The following WDR27 variants were observed in gnomAD, a reference collection of about 807,000 sequenced individuals.
WDR27 encodes the protein WD repeat domain 27.
Under a neutral mutation model 114.4 loss-of-function variants are expected in WDR27, and 100 were observed. The observed-to-expected ratio is 0.87, with a 90% CI of 0.74 to 1.03. The LOEUF (loss-of-function observed/expected upper bound fraction) is 1.03. WDR27 is among the 50% of genes least tolerant of loss of function. The probability of loss-of-function intolerance (pLI) is 0.00; values close to 1 mark genes in which losing one functional copy is unlikely to be tolerated. For missense variants in WDR27, 1,129 were observed against 1,092.9 expected (o/e 1.03, Z -0.47); for synonymous variants, 449 against 423.1 (o/e 1.06, Z -0.75).
At chr6:169,594,989 T>C (rs1806485380) in intron 23 of WDR27, among the ~76,000 whole-genome samples, 1 of 152,202 alleles carries the variant, frequency 6.6e-6, no homozygotes, top group African/African-American at 2.4e-5. Context: ...CTGGACCACA[T>C]AGTGAAACCT....
chr6:169,623,018 A>G (rs1813745004), intron 21 of WDR27, among the ~76,000 whole-genome samples: 1 of 152,192 alleles, frequency 6.6e-6, no homozygotes, highest in Admixed American at 6.5e-5. Flanking sequence ...GTTTAGGAGT[A>G]ATGTAGCTGG....
chr6:169,516,816 C>CACACACAG (rs1477125325), intron 25 of WDR27, among the ~76,000 whole-genome samples: 27 of 151,586 alleles, frequency 1.8e-4, no homozygotes, highest in Admixed American at 4.6e-4. Context: ...CACACACACA[C>CACACACAG]ACACACACAC....
intron 2 of WDR27, among the ~76,000 whole-genome samples, chr6:169,679,491 G>A (rs1780924870): frequency 1.3e-5 from 2 of 152,170 alleles, no homozygotes; most frequent in Non-Finnish European, 2.9e-5. Flanking sequence ...AGTGTTGGAG[G>A]TGGGGTCTGG....
chr6:169,687,154 C>T (rs1252566892), intron 2 of WDR27, among the ~76,000 whole-genome samples: 2 of 151,998 alleles, frequency 1.3e-5, no homozygotes, highest in Non-Finnish European at 2.9e-5. Flanking sequence ...GTTACCAACA[C>T]AATAAAAAGA....
chr6:169,519,713 CCCAA>C (rs1794128497), intron 25 of WDR27, among the ~76,000 whole-genome samples: 1 of 151,954 alleles, frequency 6.6e-6, no homozygotes, highest in Non-Finnish European at 1.5e-5. Flanking sequence ...TATATCACCC[CCCAA>C]CCAACAAAAA....
intron 17 of WDR27, among the ~76,000 whole-genome samples, chr6:169,638,888 T>C (rs1818411606): frequency 6.6e-6 from 1 of 152,236 alleles, no homozygotes; most frequent in African/African-American, 2.4e-5. Flanking sequence ...GCAGTTGCTC[T>C]AAAGCCTCAC....
intron 25 of WDR27, among the ~76,000 whole-genome samples, chr6:169,505,985 C>A (rs571221402): frequency 6.6e-6 from 1 of 152,224 alleles, no homozygotes; most frequent in Non-Finnish European, 1.5e-5. Flanking sequence ...AACACATATA[C>A]CACCTAAACC....
rs763945217 is a variant in WDR27 at position 169,670,558 on chromosome 6, T to C, written c.456+11A>G. The C allele has an allele frequency of 1.9e-6, 3 of 1,613,980 alleles. No homozygotes were observed. The highest frequency in any genetic ancestry group is 2.5e-6 in the Non-Finnish European group (3 of 1,179,868). On this transcript the variant is annotated intron_variant, in intron 4 of 25. Coordinates refer to ENST00000448612, the MANE Select transcript of WDR27 (RefSeq NM_182552.5). The stretch of plus-strand genomic sequence containing the variant: ...ACCCTTCCGTGAAATCCACGTGAAT[T>C]TCAATCTTACCTCAATATCCAGCAT...
chr6:169,525,943 T>C (rs1354229399), intron 25 of WDR27, among the ~76,000 whole-genome samples: 3 of 152,106 alleles, frequency 2.0e-5, no homozygotes, highest in South Asian at 4.1e-4. Flanking sequence ...GCAACATAGA[T>C]GGAACTGGAA....
intron 22 of WDR27, among the ~76,000 whole-genome samples, chr6:169,603,704 C>A (rs1465185246): frequency 1.3e-5 from 2 of 152,190 alleles, no homozygotes; most frequent in African/African-American, 4.8e-5. Context: ...CAGGGCCAGG[C>A]TCAACCCTGA....
intron 25 of WDR27, among the ~76,000 whole-genome samples, chr6:169,478,226 A>C (rs1044852354): frequency 4.6e-5 from 7 of 152,218 alleles, no homozygotes; most frequent in Admixed American, 1.3e-4. Context: ...ATTCTCATTT[A>C]CTTGTGCAAC....
At chr6:169,602,874 G>A (rs1269354965) in intron 22 of WDR27, among the ~76,000 whole-genome samples, 4 of 145,912 alleles carry the variant, frequency 2.7e-5, no homozygotes, top group African/African-American at 1.0e-4. Flanking sequence ...ATCTCACTCT[G>A]TCTGTCACCC....
intron 25 of WDR27, among the ~76,000 whole-genome samples, chr6:169,478,164 G>A (rs1435291641): frequency 6.6e-6 from 1 of 151,988 alleles, no homozygotes. Flanking sequence ...CTCTGGGTGG[G>A]GGCGTTCTTC....
At chr6:169,665,664 A>G in intron 6 of WDR27, 108 bp from the exon 7 acceptor site, 1 of 1,009,300 alleles carries the variant, frequency 9.9e-7, no homozygotes, top group Non-Finnish European at 1.4e-6. Context: ...TACTTACAGT[A>G]TTTCTGTTAG....
At chr6:169,670,920 C>T (rs868804112) in intron 3 of WDR27, 45 of 500,010 alleles carry the variant, frequency 9.0e-5, no homozygotes, top group African/African-American at 7.7e-4. Context: ...CTCTCAGCAT[C>T]GAAACACGAA....
At chr6:169,576,053 C>A (rs1802276101) in intron 24 of WDR27, among the ~76,000 whole-genome samples, 1 of 97,880 alleles carries the variant, frequency 1.0e-5, no homozygotes, top group South Asian at 2.8e-4. Flanking sequence ...TACTGCAAAG[C>A]TTTTGGAGTA....
At chr6:169,466,637 A>G (rs1371834410) in intron 25 of WDR27, among the ~76,000 whole-genome samples, 1 of 152,128 alleles carries the variant, frequency 6.6e-6, no homozygotes, top group Non-Finnish European at 1.5e-5. Flanking sequence ...AAACCAATCA[A>G]ACAGCATGGG....
chr6:169,494,326 TGAGCTAG>T (rs1285168436), intron 25 of WDR27, among the ~76,000 whole-genome samples: 1 of 152,094 alleles, frequency 6.6e-6, no homozygotes, highest in Non-Finnish European at 1.5e-5. Flanking sequence ...TTGACTACCT[TGAGCTAG>T]GACATTGGTG....
intron 21 of WDR27, among the ~76,000 whole-genome samples, chr6:169,616,210 G>A (rs571773840): frequency 6.6e-6 from 1 of 152,310 alleles, no homozygotes; most frequent in South Asian, 2.1e-4. Context: ...GAAGAAACTA[G>A]CTGGGTGCAG....
Sources: allele counts gnomAD v4.1 joint callset (sites outside exome capture counted in the v4.1 genomes callset), GRCh38; gene constraint gnomAD v4.1.1; transcripts MANE v1.5; gene names NCBI Gene and HGNC (gene_info 2026-07-23, HGNC 2026-07-21).